The following GATAD2B variants were observed in gnomAD, a reference collection of about 807,000 sequenced individuals.
GATAD2B encodes GATA zinc finger domain containing 2B, also known as transcriptional repressor p66-beta.
Under a neutral mutation model 64.3 loss-of-function variants are expected in GATAD2B, and 8 were observed. The observed-to-expected ratio is 0.12, with a 90% CI of 0.07 to 0.22. GATAD2B has a LOEUF of 0.22. Ranked by LOEUF, GATAD2B falls within the 10% of genes least tolerant of loss-of-function variation. The probability of loss-of-function intolerance (pLI) is 1.00; values close to 1 mark genes in which losing one functional copy is unlikely to be tolerated. For missense variants in GATAD2B, 453 were observed against 752.0 expected (o/e 0.60, Z 4.65); for synonymous variants, 281 against 271.3 (o/e 1.04, Z -0.35).
intron 1 of GATAD2B, among the ~76,000 whole-genome samples, chr1:153,877,569 A>G (rs528750209): frequency 1.3e-5 from 2 of 152,104 alleles, no homozygotes; most frequent in African/African-American, 4.8e-5. Flanking sequence ...TCCTAACATC[A>G]AGAGAAAAGG....
intron 1 of GATAD2B, among the ~76,000 whole-genome samples, chr1:153,889,131 T>C (rs1677275997): frequency 6.6e-6 from 1 of 152,140 alleles, no homozygotes; most frequent in Non-Finnish European, 1.5e-5. Context: ...CAACAGGCTA[T>C]ACTAGAACTA....
intron 1 of GATAD2B, among the ~76,000 whole-genome samples, chr1:153,860,481 C>T (rs753031319): frequency 1.3e-5 from 2 of 151,812 alleles, no homozygotes; most frequent in African/African-American, 2.4e-5. Context: ...ACTACAGGTG[C>T]GTGCCACCTC....
chr1:153,885,451 G>T (rs993205528), intron 1 of GATAD2B, among the ~76,000 whole-genome samples: 1 of 152,106 alleles, frequency 6.6e-6, no homozygotes, highest in African/African-American at 2.4e-5. Flanking sequence ...GCTGGGCATG[G>T]TGGCTCACAC....
chr1:153,855,730 A>G (rs1232765854), intron 1 of GATAD2B, among the ~76,000 whole-genome samples: 1 of 151,988 alleles, frequency 6.6e-6, no homozygotes, highest in Non-Finnish European at 1.5e-5. Context: ...GCTGGAGTAC[A>G]GTGGCATGAT....
At chr1:153,908,799 A>AAAAG (rs1375639844) in intron 1 of GATAD2B, among the ~76,000 whole-genome samples, 17 of 149,648 alleles carry the variant, frequency 1.1e-4, no homozygotes, top group African/African-American at 3.0e-4. Context: ...AAAAAAAAAA[A>AAAAG]AAAGAAAGAA....
chr1:153,839,724 T>C (rs1334282646), intron 1 of GATAD2B, among the ~76,000 whole-genome samples: 1 of 152,070 alleles, frequency 6.6e-6, no homozygotes, highest in East Asian at 1.9e-4. Flanking sequence ...AATCCCAGCA[T>C]TTTGGGAGGC....
intron 1 of GATAD2B, among the ~76,000 whole-genome samples, chr1:153,850,863 G>A (rs1006284015): frequency 6.6e-6 from 1 of 151,884 alleles, no homozygotes; most frequent in East Asian, 1.9e-4. Flanking sequence ...GGAGGTTGCA[G>A]TGAGCCGGGA....
In GATAD2B at chr1:153,816,643, C is replaced by T; in HGVS notation, c.901-55G>A. 2 of 1,200,916 alleles carry T rather than the reference C, an allele frequency of 1.7e-6. No individual in the cohort carries two copies. Among genetic ancestry groups the T allele is most frequent in the Non-Finnish European group, 2.4e-6 (2 of 827,172 alleles). The allele number at this position is 1,200,916 out of a possible 1,614,324, so 74.4% of individuals were successfully genotyped here. ...TGGTATGCAGGAGAAAGGGCCAATT[C>T]TTACGTTCTTGGCAGAGGACACTGT... On this transcript the variant is annotated intron_variant, in intron 6 of 10. Coordinates refer to ENST00000368655, the MANE Select transcript of GATAD2B (RefSeq NM_020699.4). This position sits in a 1 kb window ranked among gnomAD's most constrained non-coding sequence, Gnocchi z 4.9.
intron 1 of GATAD2B, among the ~76,000 whole-genome samples, chr1:153,877,193 T>C (rs1317337790): frequency 6.6e-6 from 1 of 151,938 alleles, no homozygotes; most frequent in Admixed American, 6.6e-5. Flanking sequence ...ATAATGAAAT[T>C]AGCCAGGCAT....
chr1:153,813,688 T>C (rs1041097064), intron 7 of GATAD2B, among the ~76,000 whole-genome samples: 1 of 152,208 alleles, frequency 6.6e-6, no homozygotes, highest in Non-Finnish European at 1.5e-5. Flanking sequence ...CGAAGAAATG[T>C]AGCTTCTGGC....
At chr1:153,813,474 C>T (rs1674359450) in intron 7 of GATAD2B, 22 bp from the exon 8 acceptor site, 1 of 1,560,022 alleles carries the variant, frequency 6.4e-7, no homozygotes, top group East Asian at 2.2e-5. Flanking sequence ...CAAAAATAGT[C>T]AGTGGCTTTA....
At chr1:153,863,373 G>A (rs1676376956) in intron 1 of GATAD2B, among the ~76,000 whole-genome samples, 1 of 151,888 alleles carries the variant, frequency 6.6e-6, no homozygotes, top group African/African-American at 2.4e-5. Context: ...GTGCATGCCT[G>A]TAATCCAAGC....
At chr1:153,869,255 G>T (rs992087216) in intron 1 of GATAD2B, among the ~76,000 whole-genome samples, 4 of 148,538 alleles carry the variant, frequency 2.7e-5, no homozygotes, top group African/African-American at 9.9e-5. Flanking sequence ...TAGTGCCACT[G>T]CACTACAGCC....
rs557958074 is a variant in GATAD2B, at chr1:153,805,625, T to C, written c.*4552A>G. 2.0e-5 allele frequency: 3 copies of C among 152,326 alleles called. No individual in the cohort carries two copies. Among genetic ancestry groups the C allele is most frequent in the South Asian group, 4.1e-4 (2 of 4,826 alleles). 9.4% of individuals were successfully genotyped at this position (152,326 alleles called of 1,614,324 possible). ...CGAGTCACTTTCAGTTCCTCCCTGG[T>C]TTCTGGGCCCAACACTTTCCTCACC... On this transcript the variant is annotated 3_prime_UTR_variant, in exon 11 of 11. Transcript: ENST00000368655.
chr1:153,846,140 A>G (rs1675680060), intron 1 of GATAD2B, among the ~76,000 whole-genome samples: 1 of 152,182 alleles, frequency 6.6e-6, no homozygotes, highest in Non-Finnish European at 1.5e-5. Flanking sequence ...CATTTCTAAA[A>G]AACTGACTAG....
chr1:153,851,585 G>C (rs1675898566), intron 1 of GATAD2B, among the ~76,000 whole-genome samples: 1 of 152,060 alleles, frequency 6.6e-6, no homozygotes, highest in Non-Finnish European at 1.5e-5. Context: ...CTTCTTTGGA[G>C]AATGTCTATT....
intron 1 of GATAD2B, among the ~76,000 whole-genome samples, chr1:153,904,313 A>T (rs1677863532): frequency 6.7e-6 from 1 of 149,556 alleles, no homozygotes; most frequent in South Asian, 2.1e-4. Context: ...TAAATAAATA[A>T]ATAAATATTA....
chr1:153,903,115 G>GGTCA (rs1677828614), intron 1 of GATAD2B, among the ~76,000 whole-genome samples: 1 of 152,084 alleles, frequency 6.6e-6, no homozygotes, highest in Non-Finnish European at 1.5e-5. Context: ...CTACTCGGGA[G>GGTCA]GCTGAGGCAG....
chr1:153,856,385 G>A (rs568857992), intron 1 of GATAD2B, among the ~76,000 whole-genome samples: 92 of 152,180 alleles, frequency 6.0e-4, no homozygotes, highest in Non-Finnish European at 8.4e-4. Context: ...CTTTGAAGTG[G>A]TTTAGAAAAA....
Sources: allele counts gnomAD v4.1 joint callset (sites outside exome capture counted in the v4.1 genomes callset), GRCh38; gene constraint gnomAD v4.1.1; non-coding constraint Gnocchi (gnomAD v3.1); transcripts MANE v1.5; gene names NCBI Gene and HGNC (gene_info 2026-07-23, HGNC 2026-07-21).